The following TMEM132D variants were observed in gnomAD, a reference collection of about 807,000 sequenced individuals.
The protein encoded by TMEM132D is mature OL transmembrane protein.
Under a neutral mutation model 62.3 loss-of-function variants are expected in TMEM132D, and 21 were observed. The observed-to-expected ratio is 0.34, with a 90% CI of 0.24 to 0.49. The LOEUF (loss-of-function observed/expected upper bound fraction) is 0.49. TMEM132D is among the 20% of genes least tolerant of loss of function. TMEM132D has a pLI of 0.99. For synonymous variants in TMEM132D, 621 were observed against 575.6 expected (o/e 1.08, Z -1.13); for missense variants, 1,346 against 1,402.8 (o/e 0.96, Z 0.65).
chr12:129,200,002 T>C (rs942316585), intron 5 of TMEM132D, among the ~76,000 whole-genome samples: 5 of 152,146 alleles, frequency 3.3e-5, no homozygotes, highest in African/African-American at 9.7e-5. Flanking sequence ...CACCACTATT[T>C]GCTGTCCAAA....
At chr12:129,123,458 C>A (rs1484571040) in intron 5 of TMEM132D, among the ~76,000 whole-genome samples, 1 of 152,118 alleles carries the variant, frequency 6.6e-6, no homozygotes, top group African/African-American at 2.4e-5. Flanking sequence ...CTGCCTCCAC[C>A]ACATCCTGCA....
At chr12:129,244,354 C>G (rs979683669) in intron 4 of TMEM132D, among the ~76,000 whole-genome samples, 4 of 143,926 alleles carry the variant, frequency 2.8e-5, no homozygotes, top group Non-Finnish European at 3.0e-5. Flanking sequence ...CCACTGCACT[C>G]CAGCCTGGGC....
At chr12:129,298,900 C>T (rs188753570) in intron 4 of TMEM132D, among the ~76,000 whole-genome samples, 205 of 152,288 alleles carry the variant, frequency 1.3e-3, no homozygotes, top group African/African-American at 4.5e-3. Flanking sequence ...AATGTGCTGA[C>T]GATAAACCTC....
At chr12:129,177,659 G>C (rs1218519492) in intron 5 of TMEM132D, among the ~76,000 whole-genome samples, 1 of 152,208 alleles carries the variant, frequency 6.6e-6, no homozygotes, top group Non-Finnish European at 1.5e-5. Context: ...TTGGGAGGCT[G>C]AGGCGGGAGG....
intron 3 of TMEM132D, among the ~76,000 whole-genome samples, chr12:129,437,256 C>T (rs1161728967): frequency 6.6e-6 from 1 of 152,048 alleles, no homozygotes; most frequent in East Asian, 1.9e-4. Context: ...GACTTTGAAG[C>T]CACAGGTTAG....
At chr12:129,302,453 C>T (rs1244842381) in intron 4 of TMEM132D, among the ~76,000 whole-genome samples, 4 of 152,210 alleles carry the variant, frequency 2.6e-5, no homozygotes, top group South Asian at 2.1e-4. Context: ...GATATGTCTC[C>T]GAGGGCTCTC....
intron 4 of TMEM132D, among the ~76,000 whole-genome samples, chr12:129,336,186 C>T (rs1277662142): frequency 1.3e-5 from 2 of 152,186 alleles, no homozygotes; most frequent in African/African-American, 2.4e-5. Context: ...GCAGGGAGCT[C>T]TGTTGCTCTC....
At chr12:129,454,273 G>A (rs1566074023) in intron 3 of TMEM132D, among the ~76,000 whole-genome samples, 1 of 152,182 alleles carries the variant, frequency 6.6e-6, no homozygotes, top group Non-Finnish European at 1.5e-5. Context: ...AGATTTAGAG[G>A]TCTTGGTGTA....
intron 3 of TMEM132D, among the ~76,000 whole-genome samples, chr12:129,407,390 T>A (rs1363276813): frequency 6.6e-6 from 1 of 152,164 alleles, no homozygotes; most frequent in Non-Finnish European, 1.5e-5. Flanking sequence ...GATCCTATCC[T>A]CTCTCCGTCT....
At chr12:129,490,423 C>CTTTT (rs11311745) in intron 3 of TMEM132D, among the ~76,000 whole-genome samples, 61 of 58,560 alleles carry the variant, frequency 1.0e-3, no homozygotes, top group South Asian at 1.7e-3. Flanking sequence ...ATTTCCTTTC[C>CTTTT]TTTTTTTTTT....
chr12:129,593,526 A>C (rs1878251485), intron 2 of TMEM132D, among the ~76,000 whole-genome samples: 1 of 152,194 alleles, frequency 6.6e-6, no homozygotes, highest in Non-Finnish European at 1.5e-5. Flanking sequence ...AATGTGCTGA[A>C]AGTGGGTGGG....
Position 129,078,608 on chromosome 12 carries a change from G to T in TMEM132D, c.2041C>A (p.Gln681Lys), listed in dbSNP as rs1565956258. The T allele has an allele frequency of 1.9e-6, 3 of 1,614,186 alleles. No homozygotes were observed. Among genetic ancestry groups the T allele is most frequent in the African/African-American group, 1.3e-5 (1 of 75,062 alleles). Residue 681 changes from glutamine to lysine, a missense_variant, in exon 8 of 9, where the codon CAG becomes AAG. Transcript: ENST00000422113. The stretch of plus-strand genomic sequence containing the variant: ...GCCCTGTTGCTTCCTGGGCTGAGCT[G>T]CAAGGAGAGTGACAGCCCTGTCACC... Reference protein sequence around the residue: ...QLVTGLSLSLQLSPGSNRAIF... With the variant: ...QLVTGLSLSLKLSPGSNRAIF...
chr12:129,482,815 C>T (rs1360386724), intron 3 of TMEM132D, among the ~76,000 whole-genome samples: 1 of 151,320 alleles, frequency 6.6e-6, no homozygotes, highest in African/African-American at 2.4e-5. Flanking sequence ...TGAAAAGTTT[C>T]ATTAGCCTTT....
At chr12:129,475,736 G>C (rs1346309837) in intron 3 of TMEM132D, among the ~76,000 whole-genome samples, 1 of 152,194 alleles carries the variant, frequency 6.6e-6, no homozygotes, top group Non-Finnish European at 1.5e-5. Flanking sequence ...CACTCTGCAG[G>C]CGTCCAGCAG....
chr12:129,149,858 CTG>C (rs1438832324), intron 5 of TMEM132D, among the ~76,000 whole-genome samples: 3 of 152,190 alleles, frequency 2.0e-5, no homozygotes, highest in Non-Finnish European at 4.4e-5. Context: ...GACCAAGCTC[CTG>C]TGTGTCCTGA....
At chr12:129,622,363 C>G (rs1204716726) in intron 2 of TMEM132D, among the ~76,000 whole-genome samples, 5 of 151,814 alleles carry the variant, frequency 3.3e-5, no homozygotes, top group African/African-American at 1.2e-4. Context: ...AGGAGGGGCT[C>G]TTACGCCTTG....
At position 129,657,627 on chromosome 12, in the gene TMEM132D, A is replaced by G. The variant is rs533837758; in HGVS notation, c.968+42183T>C. Among the ~76,000 whole-genome samples the G allele has an allele frequency of 7.1e-4, 108 of 152,346 alleles. 1 individual carries two copies. Among genetic ancestry groups the G allele is most frequent in the African/African-American group, 2.5e-3 (103 of 41,572 alleles). ...AATGCCTTGCAGTTTATAAAAATGT[A>G]CGGGTAAGTTAATGGCAAACACAAT... On this transcript the variant is annotated intron_variant, in intron 2 of 8. Transcript: ENST00000422113.
intron 4 of TMEM132D, among the ~76,000 whole-genome samples, chr12:129,299,389 A>C (rs74842109): frequency 2.0e-5 from 3 of 151,784 alleles, no homozygotes; most frequent in Non-Finnish European, 4.4e-5. Flanking sequence ...GGAAGTCAAT[A>C]AATGTCTCTT....
rs11611768 is a variant in TMEM132D at position 129,584,463 on chromosome 12, C to T, written c.969-53258G>A. 8.0e-3 allele frequency among the ~76,000 whole-genome samples: 1,215 copies of T among 152,280 alleles called. 8 individuals are homozygous for T. Among genetic ancestry groups the T allele is most frequent in the South Asian group, 0.019 (93 of 4,828 alleles). ...GCATGGCTATATGACTTCCTTTGGCCTCATGGTGGGTGGGAGTTACTCCCC... is the reference window on the plus strand; with the variant it reads ...GCATGGCTATATGACTTCCTTTGGCTTCATGGTGGGTGGGAGTTACTCCCC... On this transcript the variant is annotated intron_variant, in intron 2 of 8. Transcript: ENST00000422113.
Sources: allele counts gnomAD v4.1 joint callset (sites outside exome capture counted in the v4.1 genomes callset), GRCh38; gene constraint gnomAD v4.1.1; transcripts MANE v1.5; gene names NCBI Gene and HGNC (gene_info 2026-07-23, HGNC 2026-07-21).